The following DISP1 variants were observed in gnomAD, a reference collection of about 807,000 sequenced individuals.
DISP1 encodes the protein protein dispatched homolog 1.
In DISP1, 30 loss-of-function variants were observed where a neutral mutation model predicts 37.3. That is an observed-to-expected ratio of 0.80 (90% CI 0.60 to 1.09). The LOEUF is 1.09. Ranked by LOEUF, DISP1 falls within the 50% of genes least tolerant of loss-of-function variation. The probability of loss-of-function intolerance (pLI) is 0.00; values close to 1 mark genes in which losing one functional copy is unlikely to be tolerated. For missense variants in DISP1, 1,598 were observed against 1,879.5 expected (o/e 0.85, Z 2.77); for synonymous variants, 634 against 690.2 (o/e 0.92, Z 1.28).
At chr1:222,951,108 G>A (rs1675186892) in intron 3 of DISP1, among the ~76,000 whole-genome samples, 1 of 152,142 alleles carries the variant, frequency 6.6e-6, no homozygotes, top group Non-Finnish European at 1.5e-5. Context: ...TGACTCACTA[G>A]AGGAATTAGA....
intron 1 of DISP1, among the ~76,000 whole-genome samples, chr1:222,829,284 G>A (rs1665161551): frequency 6.6e-6 from 1 of 152,172 alleles, no homozygotes; most frequent in African/African-American, 2.4e-5. Flanking sequence ...TTAGGTAGCA[G>A]ATGCTCTAAG....
At chr1:222,969,046 G>A (rs1676719712) in intron 3 of DISP1, among the ~76,000 whole-genome samples, 1 of 151,840 alleles carries the variant, frequency 6.6e-6, no homozygotes, top group South Asian at 2.1e-4. Context: ...GATCAAGGAT[G>A]ACTCTTTAAT....
intron 4 of DISP1, 80 bp from the exon 5 acceptor site, chr1:222,990,545 G>T (rs1013888775): frequency 1.2e-6 from 2 of 1,609,570 alleles, no homozygotes; most frequent in Admixed American, 1.7e-5. Context: ...AAATATTTCT[G>T]CGAAGGGCCT....
At position 223,005,701 on chromosome 1, in the gene DISP1, C is replaced by T; in HGVS notation, c.4304C>T (p.Ala1435Val). 1.2e-6 allele frequency: 2 copies of T among 1,613,700 alleles called. No individual in the cohort carries two copies. Among genetic ancestry groups the T allele is most frequent in the Non-Finnish European group, 1.7e-6 (2 of 1,179,994 alleles). Residue 1435 changes from alanine (A) to valine (V), a missense_variant, in exon 9 of 9, where the codon GCA becomes GTA. Ala to Val is a moderately conservative substitution (Grantham distance 64). Transcript: ENST00000675850. ...AGCAGTGGAGGGACTGAAAACAAGG[C>T]AGGAGGGAAAGTGGAGCTGAGCTTG... ...LESSGGTENKAGGKVELSLSQ... is the reference protein window; with the variant it reads ...LESSGGTENKVGGKVELSLSQ...
chr1:222,996,425 C>T (rs1261340258), intron 8 of DISP1, among the ~76,000 whole-genome samples: 4 of 152,170 alleles, frequency 2.6e-5, no homozygotes, highest in African/African-American at 7.2e-5. Context: ...CTAAGAGAAG[C>T]TAAGCCAGTC....
At chr1:222,815,623 G>A (rs1661002819) in intron 1 of DISP1, among the ~76,000 whole-genome samples, 1 of 152,122 alleles carries the variant, frequency 6.6e-6, no homozygotes, top group African/African-American at 2.4e-5. Context: ...TTTGTTTTTA[G>A]AAATATATCC....
At chr1:222,971,930 A>G (rs1238619496) in intron 3 of DISP1, among the ~76,000 whole-genome samples, 2 of 152,138 alleles carry the variant, frequency 1.3e-5, no homozygotes, top group Non-Finnish European at 2.9e-5. Context: ...TGAAGGTAAT[A>G]AAATATATTT....
At chr1:222,966,814 G>T (rs951296681) in intron 3 of DISP1, among the ~76,000 whole-genome samples, 2 of 152,080 alleles carry the variant, frequency 1.3e-5, no homozygotes, top group Non-Finnish European at 2.9e-5. Context: ...CTGAAGACTT[G>T]AGTGAAATCA....
chr1:222,953,303 T>C (rs2125521826), intron 3 of DISP1, among the ~76,000 whole-genome samples: 1 of 152,338 alleles, frequency 6.6e-6, no homozygotes, highest in Non-Finnish European at 1.5e-5. Context: ...ACTTTTCTTT[T>C]AAGTTTTGTT....
intron 1 of DISP1, among the ~76,000 whole-genome samples, chr1:222,833,856 CTTA>C (rs1666362568): frequency 6.6e-6 from 1 of 152,142 alleles, no homozygotes; most frequent in South Asian, 2.1e-4. Flanking sequence ...AATCTGTTTT[CTTA>C]TTAGTAAAGA....
At chr1:222,907,115 C>G (rs1370752711) in intron 1 of DISP1, among the ~76,000 whole-genome samples, 2 of 152,070 alleles carry the variant, frequency 1.3e-5, no homozygotes, top group Non-Finnish European at 2.9e-5. Context: ...AAAAGGAGAG[C>G]CTTCTAGCAG....
chr1:223,000,645 C>T (rs1679370606), intron 8 of DISP1, among the ~76,000 whole-genome samples: 1 of 152,230 alleles, frequency 6.6e-6, no homozygotes, highest in African/African-American at 2.4e-5. Flanking sequence ...ATAGGACACC[C>T]AATTCCACAG....
chr1:222,826,623 A>C (rs955285840), intron 1 of DISP1, among the ~76,000 whole-genome samples: 6 of 151,976 alleles, frequency 3.9e-5, no homozygotes, highest in Admixed American at 1.3e-4. Flanking sequence ...TCCTGGGTCA[A>C]ACGAGCCTCC....
intron 1 of DISP1, among the ~76,000 whole-genome samples, chr1:222,917,955 C>A (rs548961518): frequency 6.6e-5 from 10 of 152,314 alleles, no homozygotes; most frequent in Middle Eastern, 3.4e-3. Context: ...AAAAAGAATG[C>A]TGTCAGACCT....
intron 1 of DISP1, among the ~76,000 whole-genome samples, chr1:222,859,979 C>A (rs1057191273): frequency 2.6e-5 from 4 of 152,176 alleles, no homozygotes; most frequent in Non-Finnish European, 5.9e-5. Context: ...AAAAACTAAG[C>A]AAATTTTTAA....
intron 1 of DISP1, among the ~76,000 whole-genome samples, chr1:222,901,551 T>G (rs1246876050): frequency 6.6e-6 from 1 of 151,840 alleles, no homozygotes; most frequent in Non-Finnish European, 1.5e-5. Context: ...TGAGATGGAG[T>G]CTCACTCACT....
At chr1:222,938,426 A>G (rs1365447900) in intron 2 of DISP1, among the ~76,000 whole-genome samples, 1 of 151,450 alleles carries the variant, frequency 6.6e-6, no homozygotes, top group Non-Finnish European at 1.5e-5. Context: ...TTTTTTCCTC[A>G]TTTATCTCAG....
At chr1:222,959,094 A>G (rs1675833395) in intron 3 of DISP1, among the ~76,000 whole-genome samples, 1 of 152,158 alleles carries the variant, frequency 6.6e-6, no homozygotes. Context: ...TTTTATCGTG[A>G]CTATAAATTT....
intron 3 of DISP1, among the ~76,000 whole-genome samples, chr1:222,963,497 A>G (rs1013837124): frequency 6.6e-6 from 1 of 152,222 alleles, no homozygotes; most frequent in Non-Finnish European, 1.5e-5. Context: ...TTACAATAGC[A>G]CAGTCATGGA....
Sources: allele counts gnomAD v4.1 joint callset (sites outside exome capture counted in the v4.1 genomes callset), GRCh38; gene constraint gnomAD v4.1.1; transcripts MANE v1.5; gene names NCBI Gene and HGNC (gene_info 2026-07-23, HGNC 2026-07-21).